TAS2R1: variants seen among roughly 807,000 people sequenced by gnomAD.
TAS2R1 encodes the protein taste 2 receptor member 1, also known as taste receptor type 2 member 1.
For missense variants in TAS2R1, 370 were observed against 353.4 expected (o/e 1.05, Z -0.38); for synonymous variants, 141 against 134.2 (o/e 1.05, Z -0.35).
intron 1 of TAS2R1, among the ~76,000 whole-genome samples, chr5:9,673,212 G>C (rs907542865): frequency 6.6e-6 from 1 of 151,922 alleles, no homozygotes; most frequent in Non-Finnish European, 1.5e-5. Flanking sequence ...TATTACCTGG[G>C]TGATGAAATA....
upstream of TAS2R1, among the ~76,000 whole-genome samples, chr5:9,634,010 CTT>C (rs1287680426): frequency 2.6e-5 from 4 of 152,090 alleles, no homozygotes; most frequent in African/African-American, 9.7e-5. Context: ...GTCATGAACT[CTT>C]TGCCTGAGCC....
chr5:9,888,440 C>T, the TAS2R1 span, among the ~76,000 whole-genome samples: 1 of 152,190 alleles, frequency 6.6e-6, no homozygotes, highest in Admixed American at 6.5e-5. Flanking sequence ...CAAGCTCCTA[C>T]GAAATAAGGA....
chr5:9,683,219 T>C (rs980624527), intron 1 of TAS2R1, among the ~76,000 whole-genome samples: 3 of 152,096 alleles, frequency 2.0e-5, no homozygotes, highest in Non-Finnish European at 4.4e-5. Flanking sequence ...AATTGCTTAA[T>C]AATCTCATAT....
chr5:9,785,248 C>T, the TAS2R1 span, among the ~76,000 whole-genome samples: 1 of 152,158 alleles, frequency 6.6e-6, no homozygotes, highest in Admixed American at 6.5e-5. Flanking sequence ...CCTATGTAGG[C>T]AGATACTCAT....
the TAS2R1 span, among the ~76,000 whole-genome samples, chr5:9,751,458 C>G: frequency 2.5e-4 from 38 of 152,096 alleles, no homozygotes; most frequent in African/African-American, 8.9e-4. Context: ...ACAGGTAATG[C>G]TCAATAGAGG....
the TAS2R1 span, among the ~76,000 whole-genome samples, chr5:9,786,865 G>T: frequency 4.6e-5 from 7 of 152,094 alleles, no homozygotes; most frequent in African/African-American, 1.4e-4. Flanking sequence ...CACATTTTTT[G>T]TTGTAGCTGA....
At chr5:9,721,820 T>C in the TAS2R1 span, among the ~76,000 whole-genome samples, 1 of 152,264 alleles carries the variant, frequency 6.6e-6, no homozygotes, top group Non-Finnish European at 1.5e-5. Context: ...AAATTTCATG[T>C]ATTTTCCAAA....
the TAS2R1 span, among the ~76,000 whole-genome samples, chr5:9,738,393 T>C: frequency 5.9e-5 from 9 of 152,094 alleles, no homozygotes; most frequent in South Asian, 1.9e-3. Context: ...ACCAGAGAAG[T>C]GGAGGGAGAA....
chr5:9,671,716 G>A lies in TAS2R1; in HGVS notation c.-241-12135C>T, dbSNP rs183443782. ...TATCACTAAAATGGCCATATTGCCCGAAGCAATTTACAGATTCAATGCTAT... is the reference window on the plus strand; with the variant it reads ...TATCACTAAAATGGCCATATTGCCCAAAGCAATTTACAGATTCAATGCTAT... On this transcript the variant is annotated intron_variant, in intron 1 of 2. Coordinates refer to the TAS2R1 transcript ENST00000506620. 3.6e-3 allele frequency among the ~76,000 whole-genome samples: 552 copies of A among 152,050 alleles called. 4 individuals carry two copies. The highest frequency in any genetic ancestry group is 0.012 in the African/African-American group (505 of 41,482).
chr5:9,885,303 C>T, the TAS2R1 span, among the ~76,000 whole-genome samples: 1 of 152,158 alleles, frequency 6.6e-6, no homozygotes, highest in African/African-American at 2.4e-5. Context: ...AATATAAGTA[C>T]AGCCATGTGG....
the TAS2R1 span, among the ~76,000 whole-genome samples, chr5:9,783,212 A>C: frequency 1.3e-5 from 2 of 152,164 alleles, no homozygotes; most frequent in East Asian, 3.8e-4. Context: ...TCATTACAAC[A>C]TTGTCTCTCT....
intron 1 of TAS2R1, among the ~76,000 whole-genome samples, chr5:9,664,470 T>C (rs370664696): frequency 2.1e-4 from 32 of 152,272 alleles, no homozygotes; most frequent in African/African-American, 4.8e-4. Flanking sequence ...TATATGAACA[T>C]GTAAGCTATA....
the TAS2R1 span, among the ~76,000 whole-genome samples, chr5:9,806,581 G>T: frequency 6.6e-6 from 1 of 151,790 alleles, no homozygotes; most frequent in Non-Finnish European, 1.5e-5. Flanking sequence ...ATCCAGAAAA[G>T]AAATAAAGAG....
At chr5:9,759,643 T>C in the TAS2R1 span, among the ~76,000 whole-genome samples, 4 of 152,208 alleles carry the variant, frequency 2.6e-5, no homozygotes, top group Admixed American at 2.0e-4. Context: ...TGGTAAGTGG[T>C]ACACTACTCA....
the TAS2R1 span, among the ~76,000 whole-genome samples, chr5:9,822,970 G>A: frequency 1.4e-5 from 2 of 145,996 alleles, no homozygotes; most frequent in East Asian, 2.1e-4. Flanking sequence ...ATGATGAGTA[G>A]GTCAAAGCTG....
At chr5:9,714,725 T>C (rs1295617421), upstream of TAS2R1, among the ~76,000 whole-genome samples, 1 of 152,224 alleles carries the variant, frequency 6.6e-6, no homozygotes, top group Non-Finnish European at 1.5e-5. Context: ...AGCTTTAAAT[T>C]GAGAATGGAA....
the TAS2R1 span, among the ~76,000 whole-genome samples, chr5:9,866,232 A>G: frequency 8.5e-5 from 13 of 152,134 alleles, no homozygotes; most frequent in East Asian, 2.3e-3. Context: ...TAGGATTTCC[A>G]TTGGAATTTT....
chr5:9,635,299 C>T (rs1356750672), upstream of TAS2R1, among the ~76,000 whole-genome samples: 3 of 152,134 alleles, frequency 2.0e-5, no homozygotes, highest in African/African-American at 7.2e-5. Flanking sequence ...ATAAAACCCA[C>T]TTGATCATGG....
intron 1 of TAS2R1, among the ~76,000 whole-genome samples, chr5:9,681,799 C>T (rs1048183951): frequency 2.0e-5 from 3 of 152,120 alleles, no homozygotes; most frequent in African/African-American, 7.2e-5. Flanking sequence ...ATAGGCATTA[C>T]CAGGGAGCTT....
Sources: allele counts gnomAD v4.1 joint callset (sites outside exome capture counted in the v4.1 genomes callset), GRCh38; gene constraint gnomAD v4.1.1; transcripts MANE v1.5; gene names NCBI Gene and HGNC (gene_info 2026-07-23, HGNC 2026-07-21).